The following BCL2L11 variants were observed in gnomAD, a reference collection of about 807,000 sequenced individuals.
BCL2L11 encodes the protein bcl-2-like protein 11.
In BCL2L11, 15 loss-of-function variants were observed where a neutral mutation model predicts 20.6. The observed-to-expected ratio is 0.73, with a 90% CI of 0.49 to 1.12. BCL2L11 has a LOEUF of 1.12. BCL2L11 is among the 50% of genes most tolerant of loss of function. The pLI is 0.00. For missense variants in BCL2L11, 292 were observed against 260.9 expected (o/e 1.12, Z -0.82); for synonymous variants, 108 against 92.8 (o/e 1.16, Z -0.94).
intron 3 of BCL2L11, among the ~76,000 whole-genome samples, chr2:111,162,450 G>A (rs2078678446): frequency 6.6e-6 from 1 of 152,172 alleles, no homozygotes; most frequent in South Asian, 2.1e-4. Flanking sequence ...CATTTGAGAT[G>A]AAAGTGGAAC....
chr2:111,156,609 A>G (rs1052342550), intron 3 of BCL2L11, among the ~76,000 whole-genome samples: 1 of 152,014 alleles, frequency 6.6e-6, no homozygotes, highest in Non-Finnish European at 1.5e-5. Flanking sequence ...GATTATGTGG[A>G]CTATGGATTG....
intron 2 of BCL2L11, chr2:111,144,502 A>G: frequency 6.4e-7 from 1 of 1,550,592 alleles, no homozygotes; most frequent in South Asian, 1.2e-5. Flanking sequence ...CTGGGACTAG[A>G]AACAGCTCCA....
intron 3 of BCL2L11, among the ~76,000 whole-genome samples, chr2:111,158,122 G>C (rs1435095582): frequency 6.6e-6 from 1 of 152,236 alleles, no homozygotes; most frequent in African/African-American, 2.4e-5. Context: ...GTTTGACTGT[G>C]GTTGTTGGTC....
intron 2 of BCL2L11, chr2:111,131,809 G>A (rs563914422): frequency 2.0e-5 from 3 of 152,268 alleles, no homozygotes; most frequent in South Asian, 2.1e-4. Context: ...CAGGGCTTAT[G>A]AGCCATAGGG....
chr2:111,166,226 T>C lies in BCL2L11; in HGVS notation c.*1995T>C, dbSNP rs578115199. ...TGTACTCACGTGCCAGTCTCCTGAC[T>C]AGAGCACTTTACTCTGTTTCCTCAG... is the stretch of plus-strand genomic sequence containing the variant. On this transcript the variant is annotated 3_prime_UTR_variant, in exon 4 of 4. Transcript: ENST00000393256. The C allele has an allele frequency of 6.5e-6, 1 of 152,886 alleles. No homozygotes were observed. Among genetic ancestry groups the C allele is most frequent in the East Asian group, 1.9e-4 (1 of 5,186 alleles). 9.5% of individuals were successfully genotyped at this position (152,886 alleles called of 1,614,324 possible).
intron 3 of BCL2L11, among the ~76,000 whole-genome samples, chr2:111,162,289 G>A (rs939006636): frequency 1.3e-5 from 2 of 152,272 alleles, no homozygotes; most frequent in East Asian, 1.9e-4. Flanking sequence ...TGTCATGCCC[G>A]CCGTCTGAGA....
chr2:111,133,249 G>C (rs1365338338), intron 2 of BCL2L11, among the ~76,000 whole-genome samples: 1 of 152,192 alleles, frequency 6.6e-6, no homozygotes, highest in Non-Finnish European at 1.5e-5. Context: ...CTGCCAAACA[G>C]CGTGCTGTGC....
At chr2:111,138,826 G>C (rs2075347978) in intron 2 of BCL2L11, among the ~76,000 whole-genome samples, 1 of 152,142 alleles carries the variant, frequency 6.6e-6, no homozygotes, top group Non-Finnish European at 1.5e-5. Context: ...CTGAGCTTCA[G>C]CTTCCTCAGC....
chr2:111,140,196 C>T (rs948901782), intron 2 of BCL2L11, among the ~76,000 whole-genome samples: 1 of 152,000 alleles, frequency 6.6e-6, no homozygotes, highest in Non-Finnish European at 1.5e-5. Context: ...CTGCACAGTA[C>T]ATAATGCTTG....
At chr2:111,136,058 G>C (rs1054020898) in intron 2 of BCL2L11, among the ~76,000 whole-genome samples, 1 of 152,192 alleles carries the variant, frequency 6.6e-6, no homozygotes, top group African/African-American at 2.4e-5. Context: ...CTCTGGCCAC[G>C]CGGTGCTGTG....
At chr2:111,126,295 G>A (rs1171028419) in intron 2 of BCL2L11, among the ~76,000 whole-genome samples, 2 of 152,118 alleles carry the variant, frequency 1.3e-5, no homozygotes, top group East Asian at 3.9e-4. Context: ...AATATACAGG[G>A]CTTCAAAGAT....
chr2:111,164,278 C>A lies in BCL2L11; in HGVS notation c.*47C>A. ...ATACCATGCAGACATTTTGCTTGTT[C>A]AAACCAACAAGACCCAGCACCGCGG... On this transcript the variant is annotated 3_prime_UTR_variant, in exon 4 of 4. Transcript: ENST00000393256. The A allele has an allele frequency of 7.1e-7, 1 of 1,410,528 alleles. No individual in the cohort carries two copies. The highest frequency in any genetic ancestry group is 1.0e-6 in the Non-Finnish European group (1 of 994,708). The allele number at this position is 1,410,528 out of a possible 1,614,324, so 87.4% of individuals were successfully genotyped here.
intron 2 of BCL2L11, among the ~76,000 whole-genome samples, chr2:111,137,992 TTTTCTTTC>T (rs948503022): frequency 2.0e-5 from 3 of 148,048 alleles, no homozygotes; most frequent in Admixed American, 6.7e-5. Context: ...TTTCTCCCTT[TTTTCTTTC>T]TTTCTTTCTT....
intron 1 of BCL2L11, among the ~76,000 whole-genome samples, chr2:111,122,030 G>A (rs969270706): frequency 1.3e-5 from 2 of 152,236 alleles, no homozygotes; most frequent in Non-Finnish European, 2.9e-5. Flanking sequence ...TGCTGGTGGA[G>A]GGCCCGACGG....
intron 2 of BCL2L11, among the ~76,000 whole-genome samples, chr2:111,133,573 A>G (rs1005323675): frequency 1.3e-5 from 2 of 152,138 alleles, no homozygotes; most frequent in African/African-American, 4.8e-5. Flanking sequence ...TGTTATGGTC[A>G]GAGAGCATAT....
intron 3 of BCL2L11, among the ~76,000 whole-genome samples, chr2:111,158,354 C>T (rs1324389839): frequency 6.6e-6 from 1 of 152,128 alleles, no homozygotes; most frequent in East Asian, 1.9e-4. Context: ...CCTAAAGATG[C>T]CGTGACAGCC....
intron 2 of BCL2L11, among the ~76,000 whole-genome samples, chr2:111,142,851 T>C (rs2076026948): frequency 6.6e-6 from 1 of 152,150 alleles, no homozygotes; most frequent in South Asian, 2.1e-4. Context: ...CCAGATCTGG[T>C]TTTTTGGCTA....
chr2:111,146,356 C>G (rs572699096), intron 2 of BCL2L11: 2 of 579,532 alleles, frequency 3.5e-6, no homozygotes, highest in African/African-American at 4.0e-5. Flanking sequence ...TTGGTTCTTA[C>G]TTTTCTTATA....
At chr2:111,144,449 C>G in intron 2 of BCL2L11, 1 of 1,548,968 alleles carries the variant, frequency 6.5e-7, no homozygotes, top group South Asian at 1.2e-5. Flanking sequence ...TAGCATTTAC[C>G]GCAAACGCTG....
Sources: allele counts gnomAD v4.1 joint callset (sites outside exome capture counted in the v4.1 genomes callset), GRCh38; gene constraint gnomAD v4.1.1; transcripts MANE v1.5; gene names NCBI Gene and HGNC (gene_info 2026-07-23, HGNC 2026-07-21).